TANGO2: variants seen among roughly 807,000 people sequenced by gnomAD.
TANGO2 encodes the protein transport and Golgi organization protein 2 homolog.
Under a neutral mutation model 39.1 loss-of-function variants are expected in TANGO2, and 26 were observed. The ratio of observed to expected loss-of-function variants is 0.67; its 90% CI spans 0.49 to 0.92. The LOEUF is 0.92. Among genes scored for constraint, TANGO2 ranks in the 40% least tolerant of loss-of-function variants. TANGO2 has a pLI of 0.00. For synonymous variants in TANGO2, 131 were observed against 144.5 expected, an observed-to-expected ratio of 0.91 and a Z score of 0.67; for missense variants, 326 against 360.1, an observed-to-expected ratio of 0.91 and a Z score of 0.77.
At position 20,053,619 on chromosome 22, in the gene TANGO2, A is replaced by G. The variant is rs770983627; in HGVS notation, c.380+68A>G. 54 of 1,068,826 alleles carry G rather than the reference A, an allele frequency of 5.1e-5. No homozygotes were observed. In the South Asian group the frequency reaches 6.2e-4, roughly 12 times the overall value. The allele number at this position is 1,068,826 out of a possible 1,614,324, so 66.2% of individuals were successfully genotyped here. A position where few individuals can be genotyped will look rare whatever the true frequency, so the allele number is the denominator to read the frequency against. On this transcript the variant is annotated intron_variant, in intron 5 of 8. Transcript: ENST00000327374. ...CTCGGGGGCAGGCCTCAGGCTCATC[A>G]GGAAGTGGGGTTCCACTGGGGGCTG... is the stretch of plus-strand genomic sequence containing the variant.
At chr22:20,055,878 A>G in intron 5 of TANGO2, 65 bp from the exon 6 acceptor site, 1 of 1,389,792 alleles carries the variant, frequency 7.2e-7, no homozygotes. Flanking sequence ...CTGTGAGATC[A>G]CCGGGCAGTG....
intron 1 of TANGO2, among the ~76,000 whole-genome samples, chr22:20,030,562 GT>G (rs1234109679): frequency 6.6e-6 from 1 of 152,152 alleles, no homozygotes; most frequent in Admixed American, 6.5e-5. Context: ...GGCCAGGCTG[GT>G]CTCGAACTCT....
intron 1 of TANGO2, among the ~76,000 whole-genome samples, chr22:20,029,346 G>C (rs1036073799): frequency 6.6e-6 from 1 of 152,158 alleles, no homozygotes; most frequent in Non-Finnish European, 1.5e-5. Context: ...CAGCAGATGG[G>C]CCCAGAGTGC....
chr22:20,056,209 C>T (rs1388299071), intron 6 of TANGO2, 196 bp downstream of exon 6: 2 of 698,698 alleles, frequency 2.9e-6, no homozygotes, highest in Admixed American at 4.0e-5. Context: ...TGCTCACCCC[C>T]TCCCCATGGG....
intron 6 of TANGO2, among the ~76,000 whole-genome samples, chr22:20,060,404 G>A (rs2048165836): frequency 6.6e-6 from 1 of 151,092 alleles, no homozygotes; most frequent in African/African-American, 2.4e-5. Context: ...GACTGCAGAT[G>A]TGTGCCACCA....
chr22:20,056,829 G>A (rs1318502427), intron 6 of TANGO2: 7 of 456,530 alleles, frequency 1.5e-5, no homozygotes, highest in Admixed American at 2.4e-5. Context: ...TCCCACACTC[G>A]CTGCCCACAG....
intron 2 of TANGO2, 106 bp from the exon 3 acceptor site, chr22:20,043,249 A>G: frequency 1.3e-6 from 1 of 790,830 alleles, no homozygotes; most frequent in South Asian, 1.6e-5. Flanking sequence ...GCCCTCTCTG[A>G]GACTGGCCCT....
chr22:20,038,548 G>T (rs2043284121), intron 2 of TANGO2, among the ~76,000 whole-genome samples: 1 of 152,214 alleles, frequency 6.6e-6, no homozygotes, highest in Non-Finnish European at 1.5e-5. Context: ...CTTTCACTCA[G>T]AACCCGTGTG....
At chr22:20,039,354 T>G (rs1222022908) in intron 2 of TANGO2, among the ~76,000 whole-genome samples, 1 of 150,706 alleles carries the variant, frequency 6.6e-6, no homozygotes, top group Non-Finnish European at 1.5e-5. Context: ...TACAGCCGGG[T>G]GCGGTGGCTC....
chr22:20,038,210 C>G (rs1355698404), intron 2 of TANGO2, among the ~76,000 whole-genome samples: 2 of 152,216 alleles, frequency 1.3e-5, no homozygotes, highest in African/African-American at 4.8e-5. Flanking sequence ...GTCTGCATAC[C>G]GAGAAGACCC....
chr22:20,056,295 G>A, intron 6 of TANGO2: 1 of 641,190 alleles, frequency 1.6e-6, no homozygotes, highest in South Asian at 1.5e-5. Context: ...GCCACCCCCA[G>A]CCTCACTTCC....
chr22:20,059,334 C>T (rs955770271), intron 6 of TANGO2, among the ~76,000 whole-genome samples: 1 of 152,202 alleles, frequency 6.6e-6, no homozygotes, highest in Non-Finnish European at 1.5e-5. Context: ...GGAAACAGTG[C>T]TGCTCACAGT....
At position 20,065,139 on chromosome 22, in the gene TANGO2, C is replaced by A. The variant is rs1208926978; in HGVS notation, c.*477C>A. On this transcript the variant is annotated 3_prime_UTR_variant, in exon 9 of 9. Coordinates refer to ENST00000327374, the MANE Select transcript of TANGO2 (RefSeq NM_152906.7). Reference sequence around the variant, plus strand: ...GATGCCGAACAAGGCAGAAGGGCGACTCTCACCTCTCATGTGCTTCTGGCC... The same window carrying A: ...GATGCCGAACAAGGCAGAAGGGCGAATCTCACCTCTCATGTGCTTCTGGCC... 1 of 162,832 alleles carries A rather than the reference C, an allele frequency of 6.1e-6. No individual in the cohort carries two copies. Among genetic ancestry groups the A allele is most frequent in the Non-Finnish European group, 1.3e-5 (1 of 74,130 alleles). The allele number at this position is 162,832 out of a possible 1,614,324, so 10.1% of individuals were successfully genotyped here.
intron 5 of TANGO2, 63 bp from the exon 6 acceptor site, chr22:20,055,880 C>T (rs535380451): frequency 1.3e-5 from 18 of 1,395,262 alleles, no homozygotes; most frequent in South Asian, 2.3e-5. Context: ...GTGAGATCAC[C>T]GGGCAGTGTC....
intron 1 of TANGO2, among the ~76,000 whole-genome samples, chr22:20,025,146 C>G (rs2040484113): frequency 6.7e-6 from 1 of 149,368 alleles, no homozygotes; most frequent in South Asian, 2.2e-4. Context: ...GCAGAGGTTG[C>G]AGTGACCTGA....
chr22:20,021,928 C>T (rs1213409948), intron 1 of TANGO2, among the ~76,000 whole-genome samples: 4 of 152,268 alleles, frequency 2.6e-5, no homozygotes, highest in Non-Finnish European at 5.9e-5. Flanking sequence ...AGTCCCTGGG[C>T]CTCAGGCCCC....
rs201445453 is a variant in TANGO2, at chr22:20,061,608, C to A, written c.530C>A (p.Ala177Asp). The A allele has an allele frequency of 1.3e-6, 2 of 1,587,276 alleles. No homozygotes were observed. Among genetic ancestry groups the A allele is most frequent in the Non-Finnish European group, 1.7e-6 (2 of 1,166,596 alleles). Residue 177 changes from alanine (A) to aspartate (D), a missense_variant, in exon 7 of 9, where the codon GCT becomes GAT. Coordinates refer to ENST00000327374, the MANE Select transcript of TANGO2 (RefSeq NM_152906.7). Reference protein sequence around the residue: ...LCFGKQLFLEAVERSQALPKD... With the variant: ...LCFGKQLFLEDVERSQALPKD... Reference sequence around the variant, plus strand: ...TTTGGGAAGCAGCTCTTCCTGGAGGCTGTGGAACGGAGCCAGGCGCTGCCC... The same window carrying A: ...TTTGGGAAGCAGCTCTTCCTGGAGGATGTGGAACGGAGCCAGGCGCTGCCC...
At chr22:20,053,059 C>T (rs2046685855) in intron 4 of TANGO2, among the ~76,000 whole-genome samples, 1 of 152,168 alleles carries the variant, frequency 6.6e-6, no homozygotes, top group African/African-American at 2.4e-5. Flanking sequence ...TCCCCTTGTC[C>T]TCATGCATGG....
chr22:20,035,805 T>G (rs1411072208), intron 1 of TANGO2, among the ~76,000 whole-genome samples: 2 of 152,080 alleles, frequency 1.3e-5, no homozygotes, highest in East Asian at 1.9e-4. Flanking sequence ...GGGGAGGAGA[T>G]GTGCATGTGG....
Sources: allele counts gnomAD v4.1 joint callset (sites outside exome capture counted in the v4.1 genomes callset), GRCh38; gene constraint gnomAD v4.1.1; transcripts MANE v1.5; gene names NCBI Gene and HGNC (gene_info 2026-07-23, HGNC 2026-07-21).